Variants in CNTN5 observed in about 807,000 individuals in gnomAD.
CNTN5 encodes contactin 5, also known as contactin-5.
Under a neutral mutation model 129.1 loss-of-function variants are expected in CNTN5, and 77 were observed. That is an observed-to-expected ratio of 0.60 (90% CI 0.50 to 0.72). CNTN5 has a LOEUF of 0.72. Ranked by LOEUF, CNTN5 falls within the 30% of genes least tolerant of loss-of-function variation. The probability of loss-of-function intolerance (pLI) is 0.00; values close to 1 mark genes in which losing one functional copy is unlikely to be tolerated. For missense variants in CNTN5, 1,478 were observed against 1,328.8 expected (o/e 1.11, Z -1.75); for synonymous variants, 509 against 465.6 (o/e 1.09, Z -1.20).
chr11:99,748,481 A>G (rs926537474), intron 3 of CNTN5, among the ~76,000 whole-genome samples: 2 of 151,550 alleles, frequency 1.3e-5, no homozygotes, highest in African/African-American at 2.4e-5. Flanking sequence ...TAACTCATGG[A>G]ATTCTGGAGT....
intron 15 of CNTN5, among the ~76,000 whole-genome samples, chr11:100,214,186 T>TAA (rs200633074): frequency 6.7e-6 from 1 of 150,360 alleles, no homozygotes; most frequent in African/African-American, 2.5e-5. Flanking sequence ...TTAAGTTTTG[T>TAA]AAAAAAAAAT....
At chr11:99,572,938 A>T (rs909941409) in intron 3 of CNTN5, among the ~76,000 whole-genome samples, 19 of 152,302 alleles carry the variant, frequency 1.2e-4, no homozygotes, top group African/African-American at 4.6e-4. Context: ...TTGAGCCAGC[A>T]TGCGGGAGAA....
At chr11:99,830,519 T>C (rs1947106273) in intron 4 of CNTN5, among the ~76,000 whole-genome samples, 1 of 152,142 alleles carries the variant, frequency 6.6e-6, no homozygotes. Context: ...AAATACTCTT[T>C]GCTGATAAAT....
intron 6 of CNTN5, among the ~76,000 whole-genome samples, chr11:99,889,317 TGTGTGTGTG>T (rs1948987693): frequency 7.5e-6 from 1 of 132,712 alleles, no homozygotes; most frequent in African/African-American, 2.6e-5. Context: ...TGTGTGTGTG[TGTGTGTGTG>T]TGTGTGTGTG....
At chr11:100,051,072 A>G (rs561236467) in intron 9 of CNTN5, among the ~76,000 whole-genome samples, 111 of 152,260 alleles carry the variant, frequency 7.3e-4, no homozygotes, top group Non-Finnish European at 1.3e-3. Flanking sequence ...CTTATTCTCC[A>G]GTAATTTATC....
chr11:99,760,432 G>C (rs529338198), intron 3 of CNTN5, among the ~76,000 whole-genome samples: 1 of 152,076 alleles, frequency 6.6e-6, no homozygotes, highest in African/African-American at 2.4e-5. Flanking sequence ...AAACTGGACT[G>C]TGCTGATTGC....
chr11:100,120,085 TATA>T (rs1187332854), intron 13 of CNTN5, among the ~76,000 whole-genome samples: 1 of 64,024 alleles, frequency 1.6e-5, no homozygotes, highest in Non-Finnish European at 2.6e-5. Context: ...TTAATGATTG[TATA>T]ATATCTCCTT....
At chr11:100,324,777 T>C (rs557123116) in intron 21 of CNTN5, among the ~76,000 whole-genome samples, 1 of 152,168 alleles carries the variant, frequency 6.6e-6, no homozygotes, top group Admixed American at 6.5e-5. Context: ...TAATATCCAT[T>C]ATTATGTTTC....
intron 9 of CNTN5, among the ~76,000 whole-genome samples, chr11:100,017,352 T>G (rs1030132499): frequency 2.6e-5 from 4 of 152,030 alleles, no homozygotes; most frequent in African/African-American, 9.7e-5. Context: ...GTAGACCCAA[T>G]GCATACTTTT....
At chr11:99,038,365 TAG>T (rs1863845338) in intron 1 of CNTN5, among the ~76,000 whole-genome samples, 1 of 152,194 alleles carries the variant, frequency 6.6e-6, no homozygotes, top group African/African-American at 2.4e-5. Flanking sequence ...ACATATACTG[TAG>T]AGTGATCAGA....
At chr11:99,530,903 G>C (rs1369964927) in intron 2 of CNTN5, among the ~76,000 whole-genome samples, 1 of 152,068 alleles carries the variant, frequency 6.6e-6, no homozygotes, top group African/African-American at 2.4e-5. Flanking sequence ...TCCCACTGTT[G>C]GGCATGTCTT....
At chr11:99,308,567 A>C (rs573227862) in intron 1 of CNTN5, among the ~76,000 whole-genome samples, 39 of 152,318 alleles carry the variant, frequency 2.6e-4, no homozygotes, top group African/African-American at 7.5e-4. Context: ...TGGAAAAGAA[A>C]ATATTAAAAT....
intron 1 of CNTN5, among the ~76,000 whole-genome samples, chr11:99,118,305 A>G (rs953117900): frequency 3.3e-5 from 5 of 152,114 alleles, no homozygotes; most frequent in Non-Finnish European, 5.9e-5. Context: ...TTTTAATTTT[A>G]TTATACATTT....
chr11:99,557,498 A>G (rs933341317), intron 3 of CNTN5, among the ~76,000 whole-genome samples: 7 of 151,492 alleles, frequency 4.6e-5, no homozygotes, highest in African/African-American at 1.4e-4. Context: ...TCTTTCCTGT[A>G]TTGTGTAACA....
chr11:99,577,765 G>C (rs533075593), intron 3 of CNTN5, among the ~76,000 whole-genome samples: 88 of 152,104 alleles, frequency 5.8e-4, no homozygotes, highest in Non-Finnish European at 1.0e-3. Context: ...AATGTTTAAA[G>C]ATGATTCTGC....
intron 2 of CNTN5, among the ~76,000 whole-genome samples, chr11:99,461,375 G>T (rs888691869): frequency 6.6e-6 from 1 of 151,922 alleles, no homozygotes; most frequent in Admixed American, 6.6e-5. Context: ...CATCAATGTT[G>T]TCATTCACTT....
At chr11:99,133,460 C>T (rs144352550) in intron 1 of CNTN5, among the ~76,000 whole-genome samples, 2,113 of 151,416 alleles carry the variant, frequency 0.014, 50 homozygotes, top group African/African-American at 0.046. Context: ...ATCATCAGGG[C>T]AAACAGACAA....
chr11:99,356,748 G>A (rs2136097037), intron 2 of CNTN5, among the ~76,000 whole-genome samples: 1 of 152,156 alleles, frequency 6.6e-6, no homozygotes, highest in East Asian at 1.9e-4. Context: ...ATACGAAAAA[G>A]AAAATAGAAT....
At chr11:99,578,855 T>C (rs2135601030) in intron 3 of CNTN5, among the ~76,000 whole-genome samples, 1 of 152,328 alleles carries the variant, frequency 6.6e-6, no homozygotes, top group Admixed American at 6.5e-5. Flanking sequence ...TTGTCAATTT[T>C]GGCTTTTGTC....
Sources: gnomAD v4.1 joint callset for allele counts (sites outside exome capture counted in the v4.1 genomes callset) on GRCh38, gnomAD v4.1.1 for gene constraint, MANE v1.5 for transcripts, NCBI Gene and HGNC (gene_info 2026-07-23, HGNC 2026-07-21) for gene names.